GNL3L: variants seen among roughly 807,000 people sequenced by gnomAD.
The protein encoded by GNL3L is G protein nucleolar 3 like, also known as guanine nucleotide-binding protein-like 3-like protein.
Under a neutral mutation model 42.9 loss-of-function variants are expected in GNL3L, and 4 were observed. That is an observed-to-expected ratio of 0.09 (90% CI 0.05 to 0.21). The LOEUF (loss-of-function observed/expected upper bound fraction) is 0.21, where lower values mean the gene tolerates loss of function less well. GNL3L is among the 10% of genes least tolerant of loss of function. The probability of loss-of-function intolerance (pLI) is 1.00; values close to 1 mark genes in which losing one functional copy is unlikely to be tolerated. For missense variants in GNL3L, 412 were observed against 481.7 expected (o/e 0.86, Z 1.36); for synonymous variants, 159 against 176.3 (o/e 0.90, Z 0.78).
chrX:54,571,734 G>GT (rs1043358818), downstream of GNL3L, among the ~76,000 whole-genome samples: 1 of 109,408 alleles, frequency 9.1e-6, no homozygotes, highest in African/African-American at 3.3e-5. Flanking sequence ...GCCTTGGTGG[G>GT]TTTTTTTCTT....
intron 16 of GNL3L, among the ~76,000 whole-genome samples, chrX:54,618,531 G>A (rs1324071888): frequency 1.8e-5 from 2 of 111,476 alleles, no homozygotes; most frequent in Admixed American, 9.6e-5. Flanking sequence ...TGACTTCCAT[G>A]CTCAAAAATA....
chrX:54,639,768 A>G, the GNL3L span, among the ~76,000 whole-genome samples: 1 of 112,001 alleles, frequency 8.9e-6, no homozygotes, highest in Non-Finnish European at 1.9e-5. Flanking sequence ...GTGAGGGCGC[A>G]TGCGAACCAT....
the GNL3L span, among the ~76,000 whole-genome samples, chrX:54,630,712 C>CT: frequency 1.8e-5 from 1 of 56,023 alleles, no homozygotes; most frequent in Non-Finnish European, 2.9e-5. Context: ...CTTTCTTTTT[C>CT]TTTCTTTCTT....
chrX:54,639,906 A>G, the GNL3L span, among the ~76,000 whole-genome samples: 112 of 109,018 alleles, frequency 1.0e-3, no homozygotes, highest in Non-Finnish European at 1.3e-3. Flanking sequence ...TAGGGGATGG[A>G]GGGCCCCAGA....
Position 54,579,981 on chromosome X carries a change from AGTTT to A in GNL3L, c.*45+19339_*45+19342del, listed in dbSNP as rs1445992695. Among the ~76,000 whole-genome samples, 257 of 73,836 alleles carry A rather than the reference AGTTT, an allele frequency of 3.5e-3. 4 individuals carry two copies. Among genetic ancestry groups the A allele is most frequent in the African/African-American group, 0.025 (246 of 9,817 alleles). 64.1% of individuals were successfully genotyped at this position (73,836 alleles called of 115,157 possible). A position where few individuals can be genotyped will look rare whatever the true frequency, so the allele number is the denominator to read the frequency against. On this transcript the variant is annotated intron_variant, in intron 16 of 16. Coordinates refer to the GNL3L transcript ENST00000674498. ...GCATGAGCCACTGTGCCTGGCCTAA[AGTTT>A]GTTTTTTTTTTTTTTTTTTTTTTTT...
chrX:54,557,625 G>T (rs1480837158), intron 14 of GNL3L, among the ~76,000 whole-genome samples: 2 of 109,830 alleles, frequency 1.8e-5, no homozygotes, highest in African/African-American at 3.3e-5. Context: ...AGTAGAGAAA[G>T]GTTTCACCAT....
At position 54,548,393 on chromosome X, in the gene GNL3L, C is replaced by G. The variant is rs1924835812; in HGVS notation, c.775+20C>G. 8.5e-7 allele frequency: 1 copy of G among 1,171,103 alleles called. No individual in the cohort carries two copies. Among genetic ancestry groups the G allele is most frequent in the African/African-American group, 1.8e-5 (1 of 56,675 alleles). Reference sequence around the variant, plus strand: ...TTGTGGGTAAGACCTGCTGTGTGGTCATGGGGCTCAGGCTTCTTTCTTGAG... The same window carrying G: ...TTGTGGGTAAGACCTGCTGTGTGGTGATGGGGCTCAGGCTTCTTTCTTGAG... On this transcript the variant is annotated intron_variant, in intron 9 of 15. Coordinates refer to ENST00000360845, the MANE Select transcript of GNL3L (RefSeq NM_001184819.2).
At chrX:54,559,391 G>C (rs1420210085) in intron 15 of GNL3L, among the ~76,000 whole-genome samples, 1 of 111,511 alleles carries the variant, frequency 9.0e-6, no homozygotes, top group Non-Finnish European at 1.9e-5. Flanking sequence ...TCTCCCACCC[G>C]CTAGTCATCC....
chrX:54,589,550 G>T (rs1337830192), intron 16 of GNL3L, among the ~76,000 whole-genome samples: 1 of 111,746 alleles, frequency 8.9e-6, no homozygotes, highest in Non-Finnish European at 1.9e-5. Context: ...TTCCAGCCAT[G>T]TTGTTGCAAA....
Position 54,539,094 on chromosome X carries a change from AC to A in GNL3L, c.77del (p.Pro26LeufsTer34). 9.0e-7 allele frequency: 1 copy of A among 1,110,487 alleles called. No homozygotes were observed. Among genetic ancestry groups the A allele is most frequent in the Non-Finnish European group, 1.2e-6 (1 of 809,837 alleles). 91.5% of individuals were successfully genotyped at this position (1,110,487 alleles called of 1,213,427 possible). On this transcript the variant is annotated frameshift_variant, in exon 3 of 16. Coordinates refer to ENST00000360845, the MANE Select transcript of GNL3L (RefSeq NM_001184819.2). LOFTEE classifies it high-confidence loss of function. Reference sequence around the variant, plus strand: ...GGCCACAAGAAGATAAGTTGGCCCTACCCTCAGGTAAGGTATGCCTGTTGTT... The same window carrying A: ...GGCCACAAGAAGATAAGTTGGCCCTACCTCAGGTAAGGTATGCCTGTTGTT... ...SKGHKKISWP[Y>X]PQPAKQNGKK...
intron 16 of GNL3L, among the ~76,000 whole-genome samples, chrX:54,598,196 T>C (rs1362651712): frequency 2.7e-5 from 3 of 111,805 alleles, no homozygotes; most frequent in Non-Finnish European, 5.6e-5. Flanking sequence ...TAATTTTCTA[T>C]TTATTTCCTC....
downstream of GNL3L, among the ~76,000 whole-genome samples, chrX:54,625,108 C>CA (rs1369985913): frequency 1.8e-5 from 2 of 110,803 alleles, no homozygotes; most frequent in Non-Finnish European, 3.8e-5. Context: ...GAGCCCATAA[C>CA]ACTTTCCAAT....
downstream of GNL3L, among the ~76,000 whole-genome samples, chrX:54,570,529 C>T (rs768640401): frequency 1.1e-3 from 123 of 111,837 alleles, no homozygotes; most frequent in African/African-American, 3.6e-3. Context: ...ATGTTTGGAT[C>T]CATTTACATT....
chrX:54,576,232 C>A (rs1925633239), intron 16 of GNL3L, among the ~76,000 whole-genome samples: 1 of 111,873 alleles, frequency 8.9e-6, no homozygotes, highest in African/African-American at 3.2e-5. Context: ...TTTATATGTT[C>A]ATGACAAATT....
rs763302073 is a variant in GNL3L, at chrX:54,563,191, C to T, written c.*2589C>T. 7.2e-5 allele frequency among the ~76,000 whole-genome samples: 8 copies of T among 111,237 alleles called. No homozygotes were observed. The highest frequency in any genetic ancestry group is 9.4e-5 in the Non-Finnish European group (5 of 53,119). Reference sequence around the variant, plus strand: ...CTAAGTCTATTTTGCAACCATACAGCGTTTCATAATTTAGCATTTAAAATA... The same window carrying T: ...CTAAGTCTATTTTGCAACCATACAGTGTTTCATAATTTAGCATTTAAAATA... On this transcript the variant is annotated 3_prime_UTR_variant, in exon 16 of 16. Transcript: ENST00000360845.
At chrX:54,550,863 T>C in intron 9 of GNL3L, 100 bp from the exon 10 acceptor site, 1 of 536,665 alleles carries the variant, frequency 1.9e-6, no homozygotes, top group South Asian at 2.7e-5. Flanking sequence ...GGCTTCCCCA[T>C]GGCCTGGTTA....
chrX:54,534,161 G>A (rs1476360601), intron 2 of GNL3L, among the ~76,000 whole-genome samples: 1 of 105,325 alleles, frequency 9.5e-6, no homozygotes, highest in African/African-American at 3.7e-5. Context: ...GATTACAGGC[G>A]TGAGCTACCA....
downstream of GNL3L, among the ~76,000 whole-genome samples, chrX:54,624,057 A>G (rs949836988): frequency 9.0e-6 from 1 of 110,999 alleles, no homozygotes; most frequent in Non-Finnish European, 1.9e-5. Context: ...AGTAGCCGGG[A>G]TCACAGGCAT....
chrX:54,583,414 G>A (rs1925742412), intron 16 of GNL3L, among the ~76,000 whole-genome samples: 1 of 109,067 alleles, frequency 9.2e-6, no homozygotes, highest in Admixed American at 9.8e-5. Flanking sequence ...GGCTTGTCTC[G>A]AACTGCTGAC....
Sources: gnomAD v4.1 joint callset for allele counts (sites outside exome capture counted in the v4.1 genomes callset) on GRCh38, gnomAD v4.1.1 for gene constraint, MANE v1.5 for transcripts, NCBI Gene and HGNC (gene_info 2026-07-23, HGNC 2026-07-21) for gene names.